BAG4: variants seen among roughly 807,000 people sequenced by gnomAD.
BAG4 encodes the protein BAG cochaperone 4, also known as BAG family molecular chaperone regulator 4.
Under a neutral mutation model 52.1 loss-of-function variants are expected in BAG4, and 28 were observed. The ratio of observed to expected loss-of-function variants is 0.54; its 90% confidence interval spans 0.40 to 0.74. The LOEUF (loss-of-function observed/expected upper bound fraction) is 0.74, where lower values mean the gene tolerates loss of function less well. BAG4 is among the 30% of genes least tolerant of loss of function. The pLI is 0.00. For synonymous variants in BAG4, 208 were observed against 217.0 expected (o/e 0.96, Z 0.37); for missense variants, 525 against 572.0 (o/e 0.92, Z 0.84).
At chr8:38,207,033 A>C (rs1279409465) in intron 2 of BAG4, among the ~76,000 whole-genome samples, 2 of 149,658 alleles carry the variant, frequency 1.3e-5, no homozygotes, top group Non-Finnish European at 3.0e-5. Flanking sequence ...GCTCACTGCA[A>C]CCTCCGCCTC....
intron 2 of BAG4, among the ~76,000 whole-genome samples, chr8:38,205,073 C>G (rs1439114537): frequency 1.3e-5 from 2 of 152,054 alleles, no homozygotes; most frequent in African/African-American, 4.8e-5. Flanking sequence ...TACTGTCACC[C>G]AGGCTAGAGA....
intron 1 of BAG4, among the ~76,000 whole-genome samples, chr8:38,180,210 A>G (rs1391286807): frequency 2.0e-5 from 3 of 152,172 alleles, no homozygotes; most frequent in Non-Finnish European, 4.4e-5. Flanking sequence ...TTCTGCAGCA[A>G]TAGAAAACTC....
intron 2 of BAG4, among the ~76,000 whole-genome samples, chr8:38,205,848 G>C (rs915260834): frequency 2.0e-5 from 3 of 152,010 alleles, no homozygotes; most frequent in Non-Finnish European, 2.9e-5. Context: ...AAAGGGTAAA[G>C]TAGAAATTAA....
At chr8:38,207,418 A>G (rs1803788580) in intron 2 of BAG4, 94 bp from the exon 3 acceptor site, 1 of 1,387,846 alleles carries the variant, frequency 7.2e-7, no homozygotes, top group Non-Finnish European at 9.9e-7. Context: ...AGTGATTAAC[A>G]TCTTCTCAAA....
intron 1 of BAG4, among the ~76,000 whole-genome samples, chr8:38,177,848 A>G (rs889789836): frequency 6.6e-6 from 1 of 152,000 alleles, no homozygotes; most frequent in Non-Finnish European, 1.5e-5. Flanking sequence ...CTTTGTTAAT[A>G]CAGTCTTCTG....
intron 2 of BAG4, chr8:38,202,267 C>A (rs1803691946): frequency 6.6e-6 from 1 of 152,024 alleles, no homozygotes; most frequent in African/African-American, 2.4e-5. Context: ...TTTTCCTTTT[C>A]TTTTCTTTCT....
chr8:38,198,844 A>G (rs1038994264), intron 2 of BAG4, among the ~76,000 whole-genome samples: 3 of 152,248 alleles, frequency 2.0e-5, no homozygotes, highest in South Asian at 2.1e-4. Context: ...ATACATTAGC[A>G]TAGGCCAACC....
rs751093887 is a variant in BAG4 at position 38,177,036 on chromosome 8, G to A, written c.167G>A (p.Gly56Asp). 4 of 1,604,918 alleles carry A rather than the reference G, an allele frequency of 2.5e-6. No homozygotes were observed. Among genetic ancestry groups the A allele is most frequent in the Non-Finnish European group, 3.4e-6 (4 of 1,176,218 alleles). The change falls in exon 1 of 5, where the codon GGC (glycine) becomes GAC (aspartate). Residue 56 changes from glycine to aspartate, a missense_variant. Physicochemically the swap from Gly to Asp is moderately conservative, Grantham distance 94 (BLOSUM62 -1). Around this residue, in one of 2 missense-constraint regions of BAG4, gnomAD observed 287 missense variants for 266.1 expected, o/e 1.08. Coordinates refer to ENST00000287322, the MANE Select transcript of BAG4 (RefSeq NM_004874.4). ...ATTTCCTGGCGGGTGCGCGGGGGCG[G>A]CCCGGCGGAGACCACCTGGCTGGGA... ...PPISWRVRGG[G>D]PAETTWLGEG...
chr8:38,188,660 CAT>C (rs1333812526), intron 1 of BAG4, among the ~76,000 whole-genome samples: 24 of 816 alleles, frequency 0.029, no homozygotes, highest in African/African-American at 0.083. Flanking sequence ...TACATATATA[CAT>C]GTATACATAT....
intron 1 of BAG4, among the ~76,000 whole-genome samples, chr8:38,189,549 T>C (rs1803433698): frequency 1.3e-5 from 2 of 152,352 alleles, no homozygotes; most frequent in African/African-American, 2.4e-5. Context: ...GATAAACATT[T>C]ATTTCTTGCT....
At chr8:38,197,647 C>G (rs1021573102) in intron 2 of BAG4, among the ~76,000 whole-genome samples, 4 of 152,132 alleles carry the variant, frequency 2.6e-5, no homozygotes, top group African/African-American at 9.7e-5. Flanking sequence ...ATTTGTATAA[C>G]AATTCTTTCT....
Position 38,207,679 on chromosome 8 carries a change from A to G in BAG4, c.546A>G (p.Pro182=). 1 of 1,613,908 alleles carries G rather than the reference A, an allele frequency of 6.2e-7. No homozygotes were observed. Among genetic ancestry groups the G allele is most frequent in the Non-Finnish European group, 8.5e-7 (1 of 1,179,918 alleles). The change falls in exon 3 of 5, where the codon CCA becomes CCG. Residue 182 remains proline (P), a synonymous_variant. Transcript: ENST00000287322. The part of the protein sequence containing the change: ...TYRSSGNSPT[P]VSRWIYPQQD... ...GTTCATCTGGCAACAGCCCAACTCCAGTCTCTCGTTGGATCTATCCCCAGC... is the reference window on the plus strand; with the variant it reads ...GTTCATCTGGCAACAGCCCAACTCCGGTCTCTCGTTGGATCTATCCCCAGC...
chr8:38,186,176 C>T (rs1389150746), intron 1 of BAG4, among the ~76,000 whole-genome samples: 2 of 152,026 alleles, frequency 1.3e-5, no homozygotes, highest in African/African-American at 4.8e-5. Flanking sequence ...TCACCCAGTC[C>T]CTACTCCTAG....
At chr8:38,193,880 A>G (rs1464228625) in intron 2 of BAG4, among the ~76,000 whole-genome samples, 2 of 152,098 alleles carry the variant, frequency 1.3e-5, no homozygotes, top group African/African-American at 4.8e-5. Flanking sequence ...CTGGGACTAC[A>G]GGCATGTGCC....
rs1803868934 is a variant in BAG4 at position 38,211,474 on chromosome 8, G to A, written c.*981G>A. On this transcript the variant is annotated 3_prime_UTR_variant, in exon 5 of 5. Coordinates refer to ENST00000287322, the MANE Select transcript of BAG4 (RefSeq NM_004874.4). ...CAGATGAAACATTAAATGCCACAGT[G>A]AGTAGAAATAATTACTACAAAAAGT... 6.6e-6 allele frequency: 1 copy of A among 151,084 alleles called. No individual in the cohort carries two copies. The highest frequency in any genetic ancestry group is 2.4e-5 in the African/African-American group (1 of 41,146). The allele number at this position is 151,084 out of a possible 1,614,324, so 9.4% of individuals were successfully genotyped here.
At chr8:38,196,958 TC>T (rs1450061793) in intron 2 of BAG4, among the ~76,000 whole-genome samples, 10 of 151,826 alleles carry the variant, frequency 6.6e-5, no homozygotes, top group African/African-American at 2.4e-4. Context: ...GCGCTTGTAA[TC>T]CCAGCTACTT....
intron 1 of BAG4, among the ~76,000 whole-genome samples, chr8:38,189,841 G>A (rs182497806): frequency 5.4e-4 from 68 of 126,838 alleles, no homozygotes; most frequent in African/African-American, 1.9e-3. Flanking sequence ...GTTTTGAGAC[G>A]GAGTCTCCCT....
chr8:38,205,537 A>G (rs1035166624), intron 2 of BAG4, among the ~76,000 whole-genome samples: 55 of 152,208 alleles, frequency 3.6e-4, no homozygotes, highest in African/African-American at 1.3e-3. Context: ...TAGGATTTCT[A>G]GAAGTTGAAT....
chr8:38,176,928 A>G lies in BAG4; in HGVS notation c.59A>G (p.Tyr20Cys), dbSNP rs1425495889. 3 of 1,551,928 alleles carry G rather than the reference A, an allele frequency of 1.9e-6. No homozygotes were observed. The highest frequency in any genetic ancestry group is 4.9e-5 in the East Asian group (2 of 41,088). Residue 20 changes from tyrosine (Y) to cysteine (C), a missense_variant, in exon 1 of 5, where the codon TAC becomes TGC. By Grantham distance (194) the Tyr-to-Cys change is radical. This residue lies in a region of BAG4 where 287 missense variants were observed against 266.1 expected (regional missense o/e 1.08). Coordinates refer to ENST00000287322, the MANE Select transcript of BAG4 (RefSeq NM_004874.4). ...AGTGACGGTCCGTCCTACGGCCGCT[A>G]CTACGGGCCTGGGGGTGGAGATGTG... ...GPSDGPSYGR[Y>C]YGPGGGDVPV...
Sources: allele counts gnomAD v4.1 joint callset (sites outside exome capture counted in the v4.1 genomes callset), GRCh38; gene constraint gnomAD v4.1.1; regional missense constraint gnomAD v4.1.1; transcripts MANE v1.5; gene names NCBI Gene and HGNC (gene_info 2026-07-23, HGNC 2026-07-21).